The following NHS variants were observed in gnomAD, a reference collection of about 807,000 sequenced individuals.
NHS encodes the protein NHS actin remodeling regulator.
Under a neutral mutation model 72.5 loss-of-function variants are expected in NHS, and 5 were observed. That is an observed-to-expected ratio of 0.07 (90% confidence interval 0.04 to 0.14). The LOEUF (loss-of-function observed/expected upper bound fraction) is 0.14. NHS is among the 10% of genes least tolerant of loss of function. The pLI is 1.00. For synonymous variants in NHS, 464 were observed against 547.7 expected (o/e 0.85, Z 2.13); for missense variants, 1,072 against 1,355.7 (o/e 0.79, Z 3.29).
intron 1 of NHS, among the ~76,000 whole-genome samples, chrX:17,623,051 C>T (rs1236609075): frequency 2.7e-5 from 3 of 111,364 alleles, no homozygotes; most frequent in Non-Finnish European, 5.7e-5. Context: ...CCTCAGTCTC[C>T]CAAACAGCTA....
rs2066441114 is a variant in NHS, at chrX:17,726,088, C to T, written c.1982C>T (p.Ser661Leu). Residue 661 changes from serine (S) to leucine (L), a missense_variant, in exon 7 of 9, where the codon TCA (serine) becomes TTA (leucine). Coordinates refer to ENST00000676302, the MANE Select transcript of NHS (RefSeq NM_001291867.2). ...PAASPPLTGS[S>L]HCDSELSLNT... The stretch of plus-strand genomic sequence containing the variant: ...GCTTCTCCTCCACTCACTGGCTCTT[C>T]ACACTGTGACTCGGAGTTGTCACTA... The T allele has an allele frequency of 5.8e-6, 7 of 1,210,292 alleles. No homozygotes were observed. Among genetic ancestry groups the T allele is most frequent in the Non-Finnish European group, 7.8e-6 (7 of 895,279 alleles).
intron 3 of NHS, among the ~76,000 whole-genome samples, chrX:17,697,282 C>T (rs1391891898): frequency 9.0e-6 from 1 of 110,981 alleles, no homozygotes; most frequent in East Asian, 2.8e-4. Context: ...TGTCCTTCAA[C>T]TCCTGCCTCA....
chrX:17,607,783 T>G (rs2065688502), intron 1 of NHS, among the ~76,000 whole-genome samples: 1 of 110,834 alleles, frequency 9.0e-6, no homozygotes, highest in Non-Finnish European at 1.9e-5. Flanking sequence ...AATTTAAATA[T>G]AAATATAAAT....
At chrX:17,591,815 G>A (rs73636661) in intron 1 of NHS, among the ~76,000 whole-genome samples, 3,357 of 111,702 alleles carry the variant, frequency 0.03, 135 homozygotes, top group African/African-American at 0.099. Flanking sequence ...TGGCTGAACC[G>A]GGAATGGAAT....
intron 1 of NHS, among the ~76,000 whole-genome samples, chrX:17,430,114 CCTTT>C (rs1210470484): frequency 2.2e-5 from 2 of 92,504 alleles, no homozygotes; most frequent in African/African-American, 4.5e-5. Context: ...TTCCTTCCTT[CCTTT>C]CCTCCATCCC....
intron 1 of NHS, among the ~76,000 whole-genome samples, chrX:17,504,466 CTG>C (rs763406910): frequency 2.7e-5 from 3 of 112,537 alleles, no homozygotes; most frequent in Admixed American, 9.4e-5. Flanking sequence ...GACCCTCAAG[CTG>C]TCTCTCTCTT....
intron 1 of NHS, among the ~76,000 whole-genome samples, chrX:17,551,404 T>C (rs1420961523): frequency 8.9e-6 from 1 of 111,760 alleles, no homozygotes; most frequent in Non-Finnish European, 1.9e-5. Context: ...TTTTTCAGCC[T>C]TGAAGACTAG....
intron 1 of NHS, among the ~76,000 whole-genome samples, chrX:17,430,322 T>TC (rs1432924931): frequency 2.4e-4 from 22 of 91,970 alleles, no homozygotes; most frequent in African/African-American, 9.1e-4. Context: ...TTTCCTTTCT[T>TC]TCTTTCTTTT....
chrX:17,461,148 G>A (rs149282437), intron 1 of NHS, among the ~76,000 whole-genome samples: 1,606 of 112,180 alleles, frequency 0.014, 45 homozygotes, highest in East Asian at 0.14. Context: ...TCAGATCCAC[G>A]TGATCAAGTG....
intron 1 of NHS, among the ~76,000 whole-genome samples, chrX:17,404,950 A>G (rs2064522161): frequency 9.0e-6 from 1 of 111,692 alleles, no homozygotes; most frequent in Non-Finnish European, 1.9e-5. Context: ...CCAATTCTAT[A>G]GTCAGAATAG....
chrX:17,579,519 C>T (rs1421787301), intron 1 of NHS, among the ~76,000 whole-genome samples: 1 of 111,106 alleles, frequency 9.0e-6, no homozygotes, highest in African/African-American at 3.3e-5. Context: ...ACTTTAATTG[C>T]CTTTATTGAT....
intron 1 of NHS, among the ~76,000 whole-genome samples, chrX:17,386,523 G>A (rs758366591): frequency 6.3e-5 from 7 of 110,248 alleles, no homozygotes; most frequent in Admixed American, 1.9e-4. Context: ...TTAGCTGGGC[G>A]TGGTGGCATG....
At chrX:17,723,775 G>A (rs945216556) in intron 5 of NHS, among the ~76,000 whole-genome samples, 5 of 106,295 alleles carry the variant, frequency 4.7e-5, no homozygotes, top group South Asian at 8.3e-4. Flanking sequence ...GTGTGTGCGC[G>A]CGCGTGCGCG....
intron 1 of NHS, among the ~76,000 whole-genome samples, chrX:17,510,000 T>TTA (rs2065079422): frequency 8.9e-6 from 1 of 112,533 alleles, no homozygotes; most frequent in Admixed American, 9.4e-5. Flanking sequence ...ATCAGTTCAC[T>TTA]TTAGTATGTG....
intron 1 of NHS, chrX:17,585,986 C>A (rs1478550685): frequency 5.4e-5 from 6 of 110,511 alleles, no homozygotes; most frequent in Non-Finnish European, 1.1e-4. Flanking sequence ...CGGGACCAGA[C>A]TGGAGATGCT....
rs147497359 is a variant in NHS at position 17,692,444 on chromosome X, G to A, written c.828G>A (p.Glu276=). 314 of 1,207,953 alleles carry A rather than the reference G, an allele frequency of 2.6e-4. 1 individual carries two copies. The Middle Eastern group carries it at 5.5e-3, about 21-fold the overall frequency. The change falls in exon 3 of 9, where the codon GAG becomes GAA. Residue 276 remains glutamate (E), a synonymous_variant. Transcript: ENST00000676302. ...CAGCTCACAGCCAGAGGAGGCGTGA[G>A]TTTAAGGACCGTCACTTTTTAACGG... The part of the protein sequence containing the change: ...YPPAHSQRRR[E]FKDRHFLTFN...
chrX:17,516,581 A>G (rs866349530), intron 1 of NHS, among the ~76,000 whole-genome samples: 19 of 107,415 alleles, frequency 1.8e-4, no homozygotes, highest in African/African-American at 4.9e-4. Flanking sequence ...GCACACACAC[A>G]CACACACACA....
At chrX:17,582,614 G>T (rs1313641489) in intron 1 of NHS, among the ~76,000 whole-genome samples, 1 of 111,436 alleles carries the variant, frequency 9.0e-6, no homozygotes. Context: ...GGGCCTGCTA[G>T]GATACAACCT....
rs190518898 is a variant in NHS, at chrX:17,398,158, G to A, written c.565+21836G>A. Among the ~76,000 whole-genome samples, 23 of 112,044 alleles carry A rather than the reference G, an allele frequency of 2.1e-4. No homozygotes were observed. The South Asian group carries it at 3.1e-3, about 15-fold the overall frequency. ...TCCCTGAGGTGCCATTCCAGGGTGT[G>A]AAGGTGGGAGTAGGAGAGAGGAATG... On this transcript the variant is annotated intron_variant, in intron 1 of 8. Transcript: ENST00000676302.
Sources: gnomAD v4.1 joint callset for allele counts (sites outside exome capture counted in the v4.1 genomes callset) on GRCh38, gnomAD v4.1.1 for gene constraint, MANE v1.5 for transcripts, NCBI Gene and HGNC (gene_info 2026-07-23, HGNC 2026-07-21) for gene names.